The following PYROXD1 variants were observed in gnomAD, a reference collection of about 807,000 sequenced individuals.
PYROXD1 encodes pyridine nucleotide-disulphide oxidoreductase domain 1.
PYROXD1 carries 42 observed loss-of-function variants against 62.0 expected under a neutral mutation model. The observed-to-expected ratio is 0.68, with a 90% CI of 0.53 to 0.88. PYROXD1 has a LOEUF of 0.88. Ranked by LOEUF, PYROXD1 falls within the 40% of genes least tolerant of loss-of-function variation. The pLI, the probability that PYROXD1 is intolerant of heterozygous loss-of-function variation, is 0.00. For missense variants in PYROXD1, 493 were observed against 604.8 expected (o/e 0.82, Z 1.94); for synonymous variants, 170 against 206.4 (o/e 0.82, Z 1.51).
At chr12:21,451,027 A>T (rs150690280) in intron 4 of PYROXD1, among the ~76,000 whole-genome samples, 9 of 152,328 alleles carry the variant, frequency 5.9e-5, no homozygotes, top group Non-Finnish European at 1.2e-4. Context: ...AAATTGCAAT[A>T]TCCTCAATGA....
At chr12:21,461,243 C>G (rs905032652) in intron 8 of PYROXD1, 89 bp downstream of exon 8, 1 of 793,064 alleles carries the variant, frequency 1.3e-6, no homozygotes, top group African/African-American at 1.8e-5. Context: ...AAAATAACTT[C>G]GTATTTCCAT....
At chr12:21,446,906 C>A (rs1169890009) in intron 3 of PYROXD1, among the ~76,000 whole-genome samples, 3 of 152,044 alleles carry the variant, frequency 2.0e-5, no homozygotes, top group Non-Finnish European at 2.9e-5. Flanking sequence ...CAGAGTGAGA[C>A]CCTGTCTCAA....
rs147354579 is a variant in PYROXD1, at chr12:21,453,474, A to G, written c.488+1320A>G. 2.3e-4 allele frequency among the ~76,000 whole-genome samples: 34 copies of G among 151,096 alleles called. No individual in the cohort carries two copies. In the East Asian group the frequency reaches 5.6e-3, roughly 25 times the overall value. ...AGTGAAACTAATACTAATGTTCTTC[A>G]TTATACATTTATTTCAGTTATTATC... On this transcript the variant is annotated intron_variant, in intron 5 of 11. Coordinates refer to ENST00000240651, the MANE Select transcript of PYROXD1 (RefSeq NM_024854.5).
chr12:21,457,657 G>C (rs1254894600), intron 7 of PYROXD1, among the ~76,000 whole-genome samples: 2 of 152,066 alleles, frequency 1.3e-5, no homozygotes, highest in Non-Finnish European at 2.9e-5. Context: ...AATCACGGGG[G>C]AAGGGGAATT....
At chr12:21,439,340 AAAG>A (rs1942253107) in intron 1 of PYROXD1, among the ~76,000 whole-genome samples, 1 of 152,252 alleles carries the variant, frequency 6.6e-6, no homozygotes, top group Non-Finnish European at 1.5e-5. Flanking sequence ...TCAGTAGTAT[AAAG>A]AAGTTTTGAG....
In PYROXD1 at chr12:21,455,432, G is replaced by A. The variant is rs936912336; in HGVS notation, c.649+140G>A. Reference sequence around the variant, plus strand: ...TATATATCTTTACATGAAGTTTTCAGATTTTCTATTTTATATATATGTATG... The same window carrying A: ...TATATATCTTTACATGAAGTTTTCAAATTTTCTATTTTATATATATGTATG... On this transcript the variant is annotated intron_variant, in intron 6 of 11. Coordinates refer to ENST00000240651, the MANE Select transcript of PYROXD1 (RefSeq NM_024854.5). 6.0e-5 allele frequency: 20 copies of A among 335,466 alleles called. No individual in the cohort carries two copies. The South Asian group carries it at 2.7e-3, about 45-fold the overall frequency. The allele number at this position is 335,466 out of a possible 1,614,324, so 20.8% of individuals were successfully genotyped here.
intron 2 of PYROXD1, among the ~76,000 whole-genome samples, chr12:21,443,808 G>T (rs767887976): frequency 6.6e-5 from 10 of 152,100 alleles, no homozygotes; most frequent in South Asian, 2.1e-4. Context: ...TAGTTTAGTG[G>T]CATATACCAT....
In PYROXD1 at chr12:21,470,789, A is replaced by C. The variant is rs1346232870; in HGVS notation, c.*2035A>C. ...AGTTTATGTTAAAAGGCCAGTCTAA[A>C]TTCTTTCACTTACATCTTTACAGAA... On this transcript the variant is annotated 3_prime_UTR_variant, in exon 12 of 12. Coordinates refer to ENST00000240651, the MANE Select transcript of PYROXD1 (RefSeq NM_024854.5). 2 of 425,974 alleles carry C rather than the reference A, an allele frequency of 4.7e-6. No homozygotes were observed. The highest frequency in any genetic ancestry group is 7.8e-6 in the Non-Finnish European group (2 of 256,772). The allele number at this position is 425,974 out of a possible 1,614,324, so 26.4% of individuals were successfully genotyped here. A position where few individuals can be genotyped will look rare whatever the true frequency, so the allele number is the denominator to read the frequency against.
intron 3 of PYROXD1, among the ~76,000 whole-genome samples, chr12:21,448,972 T>A (rs1942442241): frequency 6.6e-6 from 1 of 152,204 alleles, no homozygotes; most frequent in Admixed American, 6.5e-5. Flanking sequence ...GTAAAGTCAT[T>A]ATTTGTACTT....
chr12:21,448,569 T>C (rs2159948), intron 3 of PYROXD1, among the ~76,000 whole-genome samples: 75,150 of 152,106 alleles, frequency 0.49, 18,611 homozygotes, highest in Middle Eastern at 0.59. Flanking sequence ...TGGATTATGC[T>C]ATGCTGGATT....
At chr12:21,444,551 A>C (rs1164597148) in intron 2 of PYROXD1, among the ~76,000 whole-genome samples, 3 of 152,316 alleles carry the variant, frequency 2.0e-5, no homozygotes, top group African/African-American at 7.2e-5. Context: ...AATAATTCAC[A>C]TTTATTAAGT....
chr12:21,467,728 CA>C, intron 11 of PYROXD1, 110 bp downstream of exon 11: 5 of 839,642 alleles, frequency 6.0e-6, no homozygotes, highest in Non-Finnish European at 5.6e-6. Flanking sequence ...TAATCATCTA[CA>C]AAAAAATGAC....
chr12:21,452,923 C>T (rs1277092718), intron 5 of PYROXD1, among the ~76,000 whole-genome samples: 1 of 152,060 alleles, frequency 6.6e-6, no homozygotes, highest in Admixed American at 6.6e-5. Flanking sequence ...TAGGTTTTTG[C>T]CCCTCTTTTA....
chr12:21,439,858 C>T (rs186498506), intron 1 of PYROXD1, among the ~76,000 whole-genome samples: 4 of 152,268 alleles, frequency 2.6e-5, no homozygotes, highest in Non-Finnish European at 5.9e-5. Context: ...GCTTTATCGT[C>T]CCACAATATG....
chr12:21,437,757 G>C lies in PYROXD1; in HGVS notation c.27G>C (p.Thr9=). The C allele has an allele frequency of 1.9e-6, 3 of 1,613,250 alleles. No homozygotes were observed. Among genetic ancestry groups the C allele is most frequent in the Non-Finnish European group, 1.7e-6 (2 of 1,179,790 alleles). MEAARPPP[T]AGKFVVVGGG... ...TGGAGGCAGCGCGCCCTCCCCCGACGGCAGGGAAGTTCGTGGTGGTCGGCG... is the reference window on the plus strand; with the variant it reads ...TGGAGGCAGCGCGCCCTCCCCCGACCGCAGGGAAGTTCGTGGTGGTCGGCG... The change falls in exon 1 of 12, where the codon ACG becomes ACC. Residue 9 remains threonine (T), a synonymous_variant. Coordinates refer to ENST00000240651, the MANE Select transcript of PYROXD1 (RefSeq NM_024854.5).
At chr12:21,447,257 C>T (rs1254881820) in intron 3 of PYROXD1, among the ~76,000 whole-genome samples, 1 of 151,998 alleles carries the variant, frequency 6.6e-6, no homozygotes, top group African/African-American at 2.4e-5. Context: ...ACATTTGAAA[C>T]ACAAGTAATT....
chr12:21,461,940 C>T (rs900114987), intron 8 of PYROXD1, 68 bp from the exon 9 acceptor site: 14 of 877,072 alleles, frequency 1.6e-5, no homozygotes, highest in Non-Finnish European at 3.7e-6. Flanking sequence ...ATTGTAGTCA[C>T]ATACACTGCT....
At chr12:21,465,664 A>G (rs1453423558) in intron 10 of PYROXD1, among the ~76,000 whole-genome samples, 1 of 151,932 alleles carries the variant, frequency 6.6e-6, no homozygotes, top group Non-Finnish European at 1.5e-5. Context: ...GAAGCTCTTT[A>G]GTGTAATTAG....
chr12:21,457,141 C>G (rs930445858), intron 7 of PYROXD1: 1 of 248,490 alleles, frequency 4.0e-6, no homozygotes, highest in African/African-American at 2.5e-5. Flanking sequence ...GACTTACTCC[C>G]TTGAATCATG....
Sources: gnomAD v4.1 joint callset for allele counts (sites outside exome capture counted in the v4.1 genomes callset) on GRCh38, gnomAD v4.1.1 for gene constraint, MANE v1.5 for transcripts, NCBI Gene and HGNC (gene_info 2026-07-23, HGNC 2026-07-21) for gene names.